Variants in CRYBG3 observed in about 807,000 individuals in gnomAD.
CRYBG3 encodes very large A-kinase anchor protein.
CRYBG3 carries 127 observed loss-of-function variants against 244.2 expected under a neutral mutation model. The ratio of observed to expected loss-of-function variants is 0.52; its 90% CI spans 0.45 to 0.60. CRYBG3 has a LOEUF of 0.60. Ranked by LOEUF, CRYBG3 falls within the 20% of genes least tolerant of loss-of-function variation. The pLI is 0.00. For synonymous variants in CRYBG3, 1,132 were observed against 1,195.8 expected, an observed-to-expected ratio of 0.95 and a Z score of 1.10; for missense variants, 3,325 against 3,442.5, an observed-to-expected ratio of 0.97 and a Z score of 0.85.
chr3:97,898,928 A>G lies in CRYBG3; in HGVS notation c.7747A>G (p.Ser2583Gly). 1 of 1,609,194 alleles carries G rather than the reference A, an allele frequency of 6.2e-7. No homozygotes were observed. The highest frequency in any genetic ancestry group is 8.5e-7 in the Non-Finnish European group (1 of 1,177,070). ...SVTLFESDLE[S>G]GKFIDITNQE... Reference sequence around the variant, plus strand: ...CACACTATTTGAATCTGACCTAGAAAGTGGGAAGTTTATTGACATTACAAA... The same window carrying G: ...CACACTATTTGAATCTGACCTAGAAGGTGGGAAGTTTATTGACATTACAAA... Residue 2583 changes from serine (S) to glycine (G), a missense_variant, in exon 13 of 22, where the codon AGT (serine) becomes GGT (glycine). Transcript: ENST00000389622.
chr3:97,872,415 G>A lies in CRYBG3; in HGVS notation c.1221G>A (p.Thr407=), dbSNP rs1277119582. The change falls in exon 4 of 22, where the codon ACG becomes ACA. Residue 407 remains threonine, a synonymous_variant. Transcript: ENST00000389622. ...DFQRVTTTEN[T]IKENSTVMSN... ...AGAGAGTAACTACAACAGAAAATAC[G>A]ATAAAAGAAAACAGCACTGTGATGA... 14 of 1,535,846 alleles carry A rather than the reference G, an allele frequency of 9.1e-6. No individual in the cohort carries two copies. Among genetic ancestry groups the A allele is most frequent in the South Asian group, 6.0e-5 (5 of 84,028 alleles).
rs116194450 is a variant in CRYBG3, at chr3:97,875,498, G to A, written c.4304G>A (p.Arg1435Gln). The change falls in exon 4 of 22, where the codon CGG becomes CAG. Residue 1435 changes from arginine (R) to glutamine (Q), a missense_variant. Around this residue, in one of 4 missense-constraint regions of CRYBG3, gnomAD observed 635 missense variants for 771.7 expected, o/e 0.82. Coordinates refer to ENST00000389622, the MANE Select transcript of CRYBG3 (RefSeq NM_153605.4). Reference protein sequence around the residue: ...VLLAEDMSHKRLDDRVKTHLF... With the variant: ...VLLAEDMSHKQLDDRVKTHLF... ...CTAGCTGAAGACATGTCACATAAAC[G>A]GTTAGATGATAGGGTAAAAACACAT... The A allele has an allele frequency of 2.7e-3, 3,413 of 1,287,662 alleles. 76 individuals carry two copies. In the African/African-American group the frequency reaches 0.048, roughly 18 times the overall value. The allele number at this position is 1,287,662 out of a possible 1,614,324, so 79.8% of individuals were successfully genotyped here. A position where few individuals can be genotyped will look rare whatever the true frequency, so the allele number is the denominator to read the frequency against.
At chr3:97,918,348 T>C (rs1029345210) in intron 17 of CRYBG3, among the ~76,000 whole-genome samples, 1 of 152,246 alleles carries the variant, frequency 6.6e-6, no homozygotes, top group African/African-American at 2.4e-5. Flanking sequence ...ACACATAGTT[T>C]GCAGTGTTGC....
At chr3:97,870,889 A>G (rs528891545) in intron 3 of CRYBG3, among the ~76,000 whole-genome samples, 1 of 147,328 alleles carries the variant, frequency 6.8e-6, no homozygotes, top group South Asian at 2.2e-4. Flanking sequence ...ATAGATCTTT[A>G]TGATTTAATG....
chr3:97,942,735 T>C, intron 21 of CRYBG3: 1 of 263,334 alleles, frequency 3.8e-6, no homozygotes, highest in South Asian at 1.1e-4. Context: ...ATGAATGTCA[T>C]CTGTTTCTTA....
intron 1 of CRYBG3, among the ~76,000 whole-genome samples, chr3:97,840,225 G>A (rs371602136): frequency 2.2e-4 from 33 of 152,134 alleles, no homozygotes; most frequent in African/African-American, 7.5e-4. Flanking sequence ...GGTAACAGTT[G>A]TATCAGGAGT....
At chr3:97,928,366 G>C (rs1198659561) in intron 17 of CRYBG3, among the ~76,000 whole-genome samples, 1 of 151,928 alleles carries the variant, frequency 6.6e-6, no homozygotes, top group African/African-American at 2.4e-5. Flanking sequence ...AATACACATG[G>C]GCACTATGAA....
intron 16 of CRYBG3, among the ~76,000 whole-genome samples, 172 bp downstream of exon 16, chr3:97,912,448 T>C (rs930712048): frequency 3.9e-5 from 6 of 152,228 alleles, no homozygotes; most frequent in African/African-American, 1.2e-4. Context: ...TGAGCTGTGA[T>C]GGAATACAGA....
intron 4 of CRYBG3, 49 bp downstream of exon 4, chr3:97,878,086 T>C (rs2108220959): frequency 6.8e-7 from 1 of 1,467,948 alleles, no homozygotes; most frequent in Non-Finnish European, 9.2e-7. Context: ...AAGCTTTGGG[T>C]CACGAAATTA....
chr3:97,892,772 G>C (rs1033576655), intron 10 of CRYBG3, 88 bp from the exon 11 acceptor site: 6 of 589,580 alleles, frequency 1.0e-5, no homozygotes, highest in Non-Finnish European at 1.4e-5. Flanking sequence ...AAAATAGATA[G>C]TAGTCCCTGT....
rs1268902293 is a variant in CRYBG3 at position 97,943,311 on chromosome 3, G to T, written c.8910G>T (p.Leu2970Phe). 3.2e-6 allele frequency: 5 copies of T among 1,540,758 alleles called. No individual in the cohort carries two copies. Among genetic ancestry groups the T allele is most frequent in the Non-Finnish European group, 3.6e-6 (4 of 1,115,480 alleles). Residue 2970 changes from leucine to phenylalanine, a missense_variant, in exon 22 of 22, where the codon TTG becomes TTT. By Grantham distance (22) the Leu-to-Phe change is conservative. Coordinates refer to ENST00000389622, the MANE Select transcript of CRYBG3 (RefSeq NM_153605.4). ...EETQKWDIEI[L>F] ...CACAGAAATGGGACATTGAAATATT[G>T]TGAGAGAATCAACATCCCTAGAAAG...
At chr3:97,843,953 C>G (rs1424000618) in intron 2 of CRYBG3, among the ~76,000 whole-genome samples, 1 of 152,070 alleles carries the variant, frequency 6.6e-6, no homozygotes, top group Non-Finnish European at 1.5e-5. Flanking sequence ...GCTTTCTTTT[C>G]ACATGATTTG....
chr3:97,875,158 A>G lies in CRYBG3; in HGVS notation c.3964A>G (p.Asn1322Asp). The G allele has an allele frequency of 6.5e-7, 1 of 1,535,258 alleles. No individual in the cohort carries two copies. Among genetic ancestry groups the G allele is most frequent in the Non-Finnish European group, 8.7e-7 (1 of 1,146,378 alleles). Reference protein sequence around the residue: ...IIYVAQEKLRNDTFEDTEDTW... With the variant: ...IIYVAQEKLRDDTFEDTEDTW... ...TTATGTAGCCCAAGAAAAATTGAGA[A>G]ATGATACTTTTGAAGATACTGAGGA... The change falls in exon 4 of 22, where the codon AAT (asparagine) becomes GAT (aspartate). Residue 1322 changes from asparagine to aspartate, a missense_variant. Asn to Asp is a conservative substitution (Grantham distance 23). Coordinates refer to ENST00000389622, the MANE Select transcript of CRYBG3 (RefSeq NM_153605.4).
In CRYBG3 at chr3:97,896,078, T is replaced by C. The variant is rs2039636997; in HGVS notation, c.7694T>C (p.Leu2565Ser). 1.2e-6 allele frequency: 2 copies of C among 1,608,002 alleles called. No individual in the cohort carries two copies. The highest frequency in any genetic ancestry group is 1.7e-5 in the Admixed American group (1 of 58,624). ...LSSPILSFRY[L>S]QANFIESSVT... ...AGCCCTATCTTGTCTTTCCGGTACT[T>C]ACAAGCTGTGAGTTAGCTTCCTTAT... The change falls in exon 12 of 22, where the codon TTA (leucine) becomes TCA (serine). Residue 2565 changes from leucine (L) to serine (S), a missense_variant. Coordinates refer to ENST00000389622, the MANE Select transcript of CRYBG3 (RefSeq NM_153605.4).
At chr3:97,827,351 G>A (rs1011509363) in intron 1 of CRYBG3, among the ~76,000 whole-genome samples, 6 of 152,132 alleles carry the variant, frequency 3.9e-5, no homozygotes, top group African/African-American at 1.4e-4. Context: ...CTTCAAGTAG[G>A]CACTTAGAAA....
Position 97,872,727 on chromosome 3 carries a change from G to C in CRYBG3, c.1533G>C (p.Lys511Asn). The C allele has an allele frequency of 5.9e-6, 9 of 1,535,974 alleles. No homozygotes were observed. Among genetic ancestry groups the C allele is most frequent in the Non-Finnish European group, 7.8e-6 (9 of 1,146,820 alleles). The stretch of plus-strand genomic sequence containing the variant: ...ACACAGAATTTGTAAATGAAGGAAA[G>C]AGATTGTCTGCCCAAGACTCACAGA... The part of the protein sequence containing the change: ...VTDTEFVNEG[K>N]RLSAQDSQKN... The change falls in exon 4 of 22, where the codon AAG (lysine) becomes AAC (asparagine). Residue 511 changes from lysine (K) to asparagine (N), a missense_variant. Coordinates refer to ENST00000389622, the MANE Select transcript of CRYBG3 (RefSeq NM_153605.4).
rs554157624 is a variant in CRYBG3, at chr3:97,866,413, G to C, written c.647+1766G>C. On this transcript the variant is annotated intron_variant, in intron 3 of 21. Transcript: ENST00000389622. ...TGCTGCATCCATAATATGGGATTAC[G>C]ATTGTCTAAAGCAGTACTATTCAAA... is the stretch of plus-strand genomic sequence containing the variant. 2.6e-5 allele frequency among the ~76,000 whole-genome samples: 4 copies of C among 152,260 alleles called. No homozygotes were observed. In the East Asian group the frequency reaches 5.8e-4, roughly 22 times the overall value.
intron 2 of CRYBG3, among the ~76,000 whole-genome samples, chr3:97,845,289 G>C (rs1315098907): frequency 6.6e-6 from 1 of 152,052 alleles, no homozygotes; most frequent in Non-Finnish European, 1.5e-5. Context: ...AAGATTGTTG[G>C]TTGCAAGACA....
In CRYBG3 at chr3:97,874,085, C is replaced by T; in HGVS notation, c.2891C>T (p.Thr964Ile). The change falls in exon 4 of 22, where the codon ACT (threonine) becomes ATT (isoleucine). Residue 964 changes from threonine (T) to isoleucine (I), a missense_variant. By Grantham distance (89) the Thr-to-Ile change is moderately conservative (BLOSUM62 -1). This residue lies in a region of CRYBG3 where 1,526 missense variants were observed against 1,443.2 expected (regional missense o/e 1.06). Transcript: ENST00000389622. The part of the protein sequence containing the change: ...RQMAQNCEAH[T>I]CVFHQSLDIC... ...ATGGCGCAGAATTGTGAAGCTCACACTTGTGTGTTTCATCAATCTTTGGAT... is the reference window on the plus strand; with the variant it reads ...ATGGCGCAGAATTGTGAAGCTCACATTTGTGTGTTTCATCAATCTTTGGAT... The T allele has an allele frequency of 6.5e-7, 1 of 1,535,840 alleles. No homozygotes were observed. The highest frequency in any genetic ancestry group is 8.7e-7 in the Non-Finnish European group (1 of 1,146,804).
Sources: gnomAD v4.1 joint callset for allele counts (sites outside exome capture counted in the v4.1 genomes callset) on GRCh38, gnomAD v4.1.1 for gene constraint, gnomAD v4.1.1 regional missense constraint, MANE v1.5 for transcripts, NCBI Gene and HGNC (gene_info 2026-07-23, HGNC 2026-07-21) for gene names.